Variants in KIR3DL3 observed in about 807,000 individuals in gnomAD.
The protein encoded by KIR3DL3 is killer cell immunoglobulin-like receptor 3DL3.
Under a neutral mutation model 34.9 loss-of-function variants are expected in KIR3DL3, and 27 were observed. The observed-to-expected ratio is 0.77, with a 90% confidence interval of 0.57 to 1.07. The LOEUF (loss-of-function observed/expected upper bound fraction) is 1.07. Ranked by LOEUF, KIR3DL3 falls within the 50% of genes least tolerant of loss-of-function variation. The probability of loss-of-function intolerance (pLI) is 0.00; values close to 1 mark genes in which losing one functional copy is unlikely to be tolerated. For missense variants in KIR3DL3, 681 were observed against 528.5 expected (o/e 1.29, Z -2.83); for synonymous variants, 217 against 200.2 (o/e 1.08, Z -0.71).
intron 2 of KIR3DL3, 34 bp from the exon 3 acceptor site, chr19:54,726,019 C>T: frequency 6.6e-7 from 1 of 1,506,114 alleles, no homozygotes. Flanking sequence ...GCTCCACATC[C>T]TCCTCTCTAA....
rs1183083582 is a variant in KIR3DL3 at position 54,727,684 on chromosome 19, A to G, written c.429A>G (p.Gln143=). 18 of 1,612,094 alleles carry G rather than the reference A, an allele frequency of 1.1e-5. No homozygotes were observed. Among genetic ancestry groups the G allele is most frequent in the African/African-American group, 2.7e-5 (2 of 74,482 alleles). The change falls in exon 4 of 8, where the codon CAA becomes CAG. Residue 143 remains glutamine, a synonymous_variant. Coordinates refer to ENST00000291860, the MANE Select transcript of KIR3DL3 (RefSeq NM_153443.5). ...LVKSGETVIL[Q]CWSDVRFERF... ...AATCAGGAGAGACGGTCATCCTGCA[A>G]TGTTGGTCAGATGTCAGGTTTGAGC...
At chr19:54,731,993 A>G (rs1161663428) in intron 5 of KIR3DL3, among the ~76,000 whole-genome samples, 1 of 152,206 alleles carries the variant, frequency 6.6e-6, no homozygotes, top group Non-Finnish European at 1.5e-5. Flanking sequence ...TGCAATCTTC[A>G]TTCCTCCTTT....
At chr19:54,729,179 G>C (rs1247337431) in intron 4 of KIR3DL3, among the ~76,000 whole-genome samples, 1 of 149,836 alleles carries the variant, frequency 6.7e-6, no homozygotes, top group African/African-American at 2.5e-5. Context: ...AGAAAGTTAT[G>C]AGCAAGACAG....
At chr19:54,735,189 T>G in intron 5 of KIR3DL3, 64 bp from the exon 6 acceptor site, 1 of 1,156,230 alleles carries the variant, frequency 8.6e-7, no homozygotes, top group Non-Finnish European at 1.3e-6. Flanking sequence ...TCAAGAAATG[T>G]GAGACAATTC....
At chr19:54,729,160 G>A (rs1194920556) in intron 4 of KIR3DL3, among the ~76,000 whole-genome samples, 1 of 148,416 alleles carries the variant, frequency 6.7e-6, no homozygotes, top group Admixed American at 6.8e-5. Flanking sequence ...ATAATAGATA[G>A]AAATATGCAG....
At position 54,736,454 on chromosome 19, in the gene KIR3DL3, A is replaced by G; in HGVS notation, c.*358A>G. ...CTAGTCTACTTGAGGCTGCGATCAC[A>G]CTGAGGAACTCACAATTCCAAACAT... On this transcript the variant is annotated 3_prime_UTR_variant, in exon 8 of 8. Coordinates refer to ENST00000291860, the MANE Select transcript of KIR3DL3 (RefSeq NM_153443.5). 1 of 387,876 alleles carries G rather than the reference A, an allele frequency of 2.6e-6. No individual in the cohort carries two copies. The highest frequency in any genetic ancestry group is 4.6e-6 in the Non-Finnish European group (1 of 215,296). The allele number at this position is 387,876 out of a possible 1,614,324, so 24.0% of individuals were successfully genotyped here. A position where few individuals can be genotyped will look rare whatever the true frequency, so the allele number is the denominator to read the frequency against.
At chr19:54,734,864 C>A (rs1175423958) in intron 5 of KIR3DL3, among the ~76,000 whole-genome samples, 1 of 124,014 alleles carries the variant, frequency 8.1e-6, no homozygotes, top group Non-Finnish European at 1.7e-5. Context: ...AGCGATGGAG[C>A]TTCCAAGCTC....
In KIR3DL3 at chr19:54,725,254, C is replaced by A; in HGVS notation, c.42C>A (p.Phe14Leu). 6.3e-7 allele frequency: 1 copy of A among 1,593,658 alleles called. No homozygotes were observed. Among genetic ancestry groups the A allele is most frequent in the Non-Finnish European group, 8.6e-7 (1 of 1,168,918 alleles). Reference sequence around the variant, plus strand: ...CATGATCTTTCTTTCCAGGGTTCTTCTTGCTGGAGGGGCCCTGGCCACATG... The same window carrying A: ...CATGATCTTTCTTTCCAGGGTTCTTATTGCTGGAGGGGCCCTGGCCACATG... ...MVVSMACVGF[F>L]LLEGPWPHVG... is the part of the protein sequence containing the mutation. The change falls in exon 2 of 8, where the codon TTC becomes TTA. Residue 14 changes from phenylalanine to leucine, a missense_variant. Transcript: ENST00000291860.
At chr19:54,729,362 T>G in intron 4 of KIR3DL3, 131 bp from the exon 5 acceptor site, 2 of 1,040,830 alleles carry the variant, frequency 1.9e-6, no homozygotes, top group African/African-American at 1.7e-5. Flanking sequence ...TGAAGAGAGA[T>G]GGGGGTGGAG....
Position 54,736,115 on chromosome 19 carries a change from TGA to T in KIR3DL3, c.*21_*22del. 2 of 1,611,596 alleles carry T rather than the reference TGA, an allele frequency of 1.2e-6. No homozygotes were observed. The highest frequency in any genetic ancestry group is 1.7e-6 in the Non-Finnish European group (2 of 1,179,566). On this transcript the variant is annotated 3_prime_UTR_variant, in exon 8 of 8. Coordinates refer to ENST00000291860, the MANE Select transcript of KIR3DL3 (RefSeq NM_153443.5). Reference sequence around the variant, plus strand: ...CGTGTAACACGGAACTTCCAAATGCTGAGCGCAGATCCAAAGTTGTCTTCTGT... The same window carrying T: ...CGTGTAACACGGAACTTCCAAATGCTGCGCAGATCCAAAGTTGTCTTCTGT...
intron 3 of KIR3DL3, 67 bp from the exon 4 acceptor site, chr19:54,727,544 T>G: frequency 6.8e-7 from 1 of 1,476,646 alleles, no homozygotes; most frequent in Non-Finnish European, 9.2e-7. Context: ...AAGCCTCACT[T>G]ATTTCAGGTC....
rs569383474 is a variant in KIR3DL3, at chr19:54,727,927, C to A, written c.655+17C>A. On this transcript the variant is annotated intron_variant, in intron 4 of 7. Coordinates refer to ENST00000291860, the MANE Select transcript of KIR3DL3 (RefSeq NM_153443.5). ...TGGTCGTAGGTGAGAGAATACAGAC[C>A]TGCCTCTCACCCTTGCTGGGAGATG... 1.4e-4 allele frequency: 218 copies of A among 1,590,834 alleles called. No individual in the cohort carries two copies. The African/African-American group carries it at 2.7e-3, about 19-fold the overall frequency.
At position 54,726,154 on chromosome 19, in the gene KIR3DL3, T is replaced by G. The variant is rs2068145923; in HGVS notation, c.172T>G (p.Phe58Val). 6.2e-7 allele frequency: 1 copy of G among 1,612,934 alleles called. No homozygotes were observed. Among genetic ancestry groups the G allele is most frequent in the East Asian group, 2.2e-5 (1 of 44,864 alleles). ...QCRSRLGFNE[F>V]SLSKEDGMPV... ...TCGCTCTCGTCTTGGGTTTAATGAA[T>G]TCAGTCTGTCCAAAGAAGACGGGAT... Residue 58 changes from phenylalanine to valine, a missense_variant, in exon 3 of 8, where the codon TTC becomes GTC. Coordinates refer to ENST00000291860, the MANE Select transcript of KIR3DL3 (RefSeq NM_153443.5).
At chr19:54,726,707 G>A (rs1051439242) in intron 3 of KIR3DL3, among the ~76,000 whole-genome samples, 6 of 145,298 alleles carry the variant, frequency 4.1e-5, no homozygotes, top group East Asian at 2.0e-4. Context: ...GAGCAACGTC[G>A]TGGGAGGGAG....
intron 5 of KIR3DL3, among the ~76,000 whole-genome samples, chr19:54,731,441 T>C (rs796513650): frequency 9.9e-5 from 15 of 151,740 alleles, no homozygotes; most frequent in African/African-American, 3.4e-4. Context: ...AGAGAGAATT[T>C]AGCTTATTTA....
In KIR3DL3 at chr19:54,727,838, T is replaced by C; in HGVS notation, c.583T>C (p.Cys195Arg). Reference protein sequence around the residue: ...MTPALAGTYRCFGSVTHLPYE... With the variant: ...MTPALAGTYRRFGSVTHLPYE... ...ACCTGCCCTTGCAGGGACCTACAGA[T>C]GCTTTGGTTCTGTCACTCACTTACC... Residue 195 changes from cysteine to arginine, a missense_variant, in exon 4 of 8, where the codon TGC becomes CGC. By Grantham distance (180) the Cys-to-Arg change is radical. Coordinates refer to ENST00000291860, the MANE Select transcript of KIR3DL3 (RefSeq NM_153443.5). 2 of 1,614,036 alleles carry C rather than the reference T, an allele frequency of 1.2e-6. No individual in the cohort carries two copies. Among genetic ancestry groups the C allele is most frequent in the East Asian group, 2.2e-5 (1 of 44,816 alleles).
Position 54,729,436 on chromosome 19 carries a change from G to A in KIR3DL3, c.656-57G>A, listed in dbSNP as rs1406170256. The A allele has an allele frequency of 6.4e-6, 9 of 1,405,402 alleles. No individual in the cohort carries two copies. In the African/African-American group the frequency reaches 1.2e-4, roughly 18 times the overall value. The allele number at this position is 1,405,402 out of a possible 1,614,324, so 87.1% of individuals were successfully genotyped here. A position where few individuals can be genotyped will look rare whatever the true frequency, so the allele number is the denominator to read the frequency against. ...GGGAGTGAGTTCTCAGCTCAGGTGT[G>A]AGGAGAGCTGTGACAAGGAAGAACC... On this transcript the variant is annotated intron_variant, in intron 4 of 7. Coordinates refer to ENST00000291860, the MANE Select transcript of KIR3DL3 (RefSeq NM_153443.5).
chr19:54,729,543 G>A lies in KIR3DL3; in HGVS notation c.706G>A (p.Ala236Thr), dbSNP rs2068576122. Residue 236 changes from alanine (A) to threonine (T), a missense_variant, in exon 5 of 8, where the codon GCA becomes ACA. Physicochemically the swap from Ala to Thr is moderately conservative, Grantham distance 58. Coordinates refer to ENST00000291860, the MANE Select transcript of KIR3DL3 (RefSeq NM_153443.5). ...AGCCCAGCCGGGCCCCACGGTTCAGGCAGGAGAGAATGTGACCTTGTCCTG... is the reference window on the plus strand; with the variant it reads ...AGCCCAGCCGGGCCCCACGGTTCAGACAGGAGAGAATGTGACCTTGTCCTG... ...LSAQPGPTVQAGENVTLSCSS... is the reference protein window; with the variant it reads ...LSAQPGPTVQTGENVTLSCSS... The A allele has an allele frequency of 1.2e-6, 2 of 1,606,096 alleles. No homozygotes were observed. Among genetic ancestry groups the A allele is most frequent in the African/African-American group, 1.4e-5 (1 of 73,348 alleles).
chr19:54,736,197 G>T lies in KIR3DL3; in HGVS notation c.*101G>T. The T allele has an allele frequency of 6.5e-7, 1 of 1,540,942 alleles. No homozygotes were observed. The highest frequency in any genetic ancestry group is 8.9e-7 in the Non-Finnish European group (1 of 1,121,824). On this transcript the variant is annotated 3_prime_UTR_variant, in exon 8 of 8. Coordinates refer to ENST00000291860, the MANE Select transcript of KIR3DL3 (RefSeq NM_153443.5). ...GATCTTCTAGGGAGACAATAGCCCT[G>T]TCTCAAAACCGGGTTGCCAGCTCCC... is the stretch of plus-strand genomic sequence containing the variant.
Sources: gnomAD v4.1 joint callset for allele counts (sites outside exome capture counted in the v4.1 genomes callset) on GRCh38, gnomAD v4.1.1 for gene constraint, MANE v1.5 for transcripts, NCBI Gene and HGNC (gene_info 2026-07-23, HGNC 2026-07-21) for gene names.